HACD2: variants seen among roughly 807,000 people sequenced by gnomAD.
HACD2 encodes 3-hydroxyacyl-CoA dehydratase 2.
In HACD2, 15 loss-of-function variants were observed where a neutral mutation model predicts 31.0. That is an observed-to-expected ratio of 0.48 (90% CI 0.32 to 0.75). The LOEUF (loss-of-function observed/expected upper bound fraction) is 0.75, where lower values mean the gene tolerates loss of function less well. Among genes scored for constraint, HACD2 ranks in the 30% least tolerant of loss-of-function variants. The pLI is 0.03. For missense variants in HACD2, 283 were observed against 313.0 expected (o/e 0.90, Z 0.72); for synonymous variants, 115 against 122.2 (o/e 0.94, Z 0.39).
intron 1 of HACD2, among the ~76,000 whole-genome samples, chr3:123,582,535 G>A (rs536219498): frequency 6.6e-6 from 1 of 152,262 alleles, no homozygotes; most frequent in African/African-American, 2.4e-5. Flanking sequence ...AGAGGGCTCA[G>A]TGAAAGCATA....
rs146949297 is a variant in HACD2, at chr3:123,537,074, A to G, written c.293-8600T>C. Among the ~76,000 whole-genome samples the G allele has an allele frequency of 5.6e-4, 86 of 152,348 alleles. 4 individuals are homozygous for G. The East Asian group carries it at 0.016, about 29-fold the overall frequency. ...TTAAGACTAAACAATTCTGGTAATT[A>G]TGGTCATAGACTATATTATAAATGC... On this transcript the variant is annotated intron_variant, in intron 3 of 6. Transcript: ENST00000383657.
At chr3:123,510,388 C>T (rs2056042869) in intron 4 of HACD2, among the ~76,000 whole-genome samples, 1 of 152,186 alleles carries the variant, frequency 6.6e-6, no homozygotes, top group South Asian at 2.1e-4. Context: ...GCTGGGATTA[C>T]AGCCACCCAC....
intron 3 of HACD2, among the ~76,000 whole-genome samples, chr3:123,561,157 T>C (rs2056725107): frequency 6.6e-6 from 1 of 152,188 alleles, no homozygotes; most frequent in South Asian, 2.1e-4. Flanking sequence ...AAAGATTTTT[T>C]TGGTAGGAAG....
intron 4 of HACD2, among the ~76,000 whole-genome samples, chr3:123,511,814 G>C (rs771727266): frequency 1.2e-4 from 19 of 152,134 alleles, no homozygotes; most frequent in Non-Finnish European, 2.6e-4. Flanking sequence ...CTATCGGTTA[G>C]GGTATTTGAC....
chr3:123,584,890 A>G lies in HACD2; in HGVS notation c.138T>C (p.Asn46=), dbSNP rs1273411895. ...AGCCTCACCCGGCTGTCATCACCAC[A>G]TTGTAGATGACCAGGTACGCCGTGG... ...PLATAYLVIY[N]VVMTAGWLVI... Residue 46 remains asparagine, a synonymous_variant, in exon 1 of 7, where the codon AAT becomes AAC. Transcript: ENST00000383657. 1 of 1,517,222 alleles carries G rather than the reference A, an allele frequency of 6.6e-7. No homozygotes were observed. Among genetic ancestry groups the G allele is most frequent in the Admixed American group, 2.1e-5 (1 of 48,420 alleles). 94.0% of individuals were successfully genotyped at this position (1,517,222 alleles called of 1,614,324 possible).
chr3:123,495,014 G>A, intron 6 of HACD2, 44 bp from the exon 7 acceptor site: 3 of 1,180,004 alleles, frequency 2.5e-6, no homozygotes, highest in Non-Finnish European at 3.7e-6. Context: ...GTTTAAAATT[G>A]CATATGCTCT....
chr3:123,510,946 T>G (rs1409818895), intron 4 of HACD2, among the ~76,000 whole-genome samples: 7 of 139,466 alleles, frequency 5.0e-5, no homozygotes, highest in South Asian at 2.3e-4. Context: ...TTTTTTTTTG[T>G]TTTTTTTTGT....
intron 3 of HACD2, among the ~76,000 whole-genome samples, chr3:123,551,345 A>AG (rs2056617758): frequency 1.3e-5 from 2 of 152,134 alleles, no homozygotes; most frequent in African/African-American, 2.4e-5. Context: ...TAGGCCGGGC[A>AG]CGGTGGCTCA....
At chr3:123,550,281 G>C (rs866011837) in intron 3 of HACD2, among the ~76,000 whole-genome samples, 4 of 152,240 alleles carry the variant, frequency 2.6e-5, no homozygotes, top group Non-Finnish European at 5.9e-5. Flanking sequence ...GCAGGATCAA[G>C]ATTGGTATCT....
chr3:123,567,740 AG>A (rs1199367557), intron 3 of HACD2, 21 bp downstream of exon 3: 10 of 1,429,030 alleles, frequency 7.0e-6, no homozygotes, highest in Non-Finnish European at 8.4e-6. Flanking sequence ...TGTACATAGT[AG>A]GGGGGAATAT....
chr3:123,528,206 C>G (rs745539691), intron 4 of HACD2, among the ~76,000 whole-genome samples, 180 bp downstream of exon 4: 17 of 152,204 alleles, frequency 1.1e-4, no homozygotes, highest in Non-Finnish European at 1.9e-4. Flanking sequence ...CACTGCATAT[C>G]TGGGATATGT....
At chr3:123,568,618 C>G (rs116251772) in intron 2 of HACD2, among the ~76,000 whole-genome samples, 2,092 of 152,244 alleles carry the variant, frequency 0.014, 27 homozygotes, top group South Asian at 0.026. Flanking sequence ...CAAATTAAGT[C>G]CTTCTAAATC....
chr3:123,552,273 A>G (rs1026073707), intron 3 of HACD2, among the ~76,000 whole-genome samples: 20 of 152,214 alleles, frequency 1.3e-4, no homozygotes, highest in Admixed American at 7.9e-4. Flanking sequence ...AGAAATGAGT[A>G]AAAAAGAAGG....
chr3:123,509,817 C>G (rs537563947), intron 4 of HACD2, among the ~76,000 whole-genome samples: 5 of 152,194 alleles, frequency 3.3e-5, no homozygotes, highest in Non-Finnish European at 5.9e-5. Flanking sequence ...CTTTAGCATA[C>G]AAATGTTATT....
chr3:123,516,200 T>G (rs2056133683), intron 4 of HACD2, among the ~76,000 whole-genome samples: 1 of 151,820 alleles, frequency 6.6e-6, no homozygotes, highest in Non-Finnish European at 1.5e-5. Flanking sequence ...TTAATATTTC[T>G]TCCCCTTTAA....
chr3:123,495,707 T>C (rs1198250662), intron 6 of HACD2, among the ~76,000 whole-genome samples: 3 of 152,198 alleles, frequency 2.0e-5, no homozygotes, highest in Admixed American at 6.5e-5. Flanking sequence ...GGTTCTCAAA[T>C]GAATGGGATA....
rs2055776891 is a variant in HACD2 at position 123,492,560 on chromosome 3, AAT to A, written c.*2326_*2327del. On this transcript the variant is annotated 3_prime_UTR_variant, in exon 7 of 7. Transcript: ENST00000383657. Reference sequence around the variant, plus strand: ...AGTATTCTAAATGTTGATGTACAAAAATACACACTGGGGTTGAGACCCTTTTT... The same window carrying A: ...AGTATTCTAAATGTTGATGTACAAAAACACACTGGGGTTGAGACCCTTTTT... The A allele has an allele frequency of 6.6e-6, 1 of 152,218 alleles. No homozygotes were observed. The highest frequency in any genetic ancestry group is 1.5e-5 in the Non-Finnish European group (1 of 68,036). The allele number at this position is 152,218 out of a possible 1,614,324, so 9.4% of individuals were successfully genotyped here. A position where few individuals can be genotyped will look rare whatever the true frequency, so the allele number is the denominator to read the frequency against.
At chr3:123,520,700 T>G (rs1367686289) in intron 4 of HACD2, among the ~76,000 whole-genome samples, 3 of 152,246 alleles carry the variant, frequency 2.0e-5, no homozygotes, top group Non-Finnish European at 4.4e-5. Flanking sequence ...AGCACCTTAA[T>G]TCATTTCACT....
intron 3 of HACD2, among the ~76,000 whole-genome samples, chr3:123,532,758 C>A (rs1024609513): frequency 2.7e-5 from 4 of 150,460 alleles, no homozygotes; most frequent in Non-Finnish European, 4.4e-5. Context: ...TCTCTTGAAC[C>A]CGGGAGCAGA....
Sources: allele counts gnomAD v4.1 joint callset (sites outside exome capture counted in the v4.1 genomes callset), GRCh38; gene constraint gnomAD v4.1.1; transcripts MANE v1.5; gene names NCBI Gene and HGNC (gene_info 2026-07-23, HGNC 2026-07-21).